ADK: variants seen among roughly 807,000 people sequenced by gnomAD.
ADK encodes the protein adenosine kinase.
A neutral mutation model predicts 44.7 loss-of-function variants in ADK; 24 were observed. The observed-to-expected ratio is 0.54, with a 90% CI of 0.39 to 0.76. The LOEUF is 0.76. Among genes scored for constraint, ADK ranks in the 30% least tolerant of loss-of-function variants. The pLI, the probability that ADK is intolerant of heterozygous loss-of-function variation, is 0.00. For synonymous variants in ADK, 128 were observed against 142.6 expected, an observed-to-expected ratio of 0.90 and a Z score of 0.73; for missense variants, 321 against 425.1, an observed-to-expected ratio of 0.76 and a Z score of 2.15.
At chr10:74,276,115 A>G (rs763564440) in intron 3 of ADK, among the ~76,000 whole-genome samples, 6 of 152,198 alleles carry the variant, frequency 3.9e-5, no homozygotes, top group Non-Finnish European at 8.8e-5. Context: ...GATGTATATT[A>G]CACATATGTT....
intron 3 of ADK, among the ~76,000 whole-genome samples, chr10:74,234,550 G>A (rs571782023): frequency 9.2e-5 from 14 of 152,196 alleles, no homozygotes; most frequent in South Asian, 4.1e-4. Flanking sequence ...ATTTTTCATG[G>A]AAATTATATT....
intron 1 of ADK, among the ~76,000 whole-genome samples, chr10:74,168,857 C>T (rs911932810): frequency 1.3e-5 from 2 of 152,050 alleles, no homozygotes; most frequent in African/African-American, 4.8e-5. Flanking sequence ...GTGATCCTCC[C>T]GCCTTGTCCT....
At chr10:74,350,487 A>G (rs1415224025) in intron 4 of ADK, among the ~76,000 whole-genome samples, 1 of 152,218 alleles carries the variant, frequency 6.6e-6, no homozygotes, top group African/African-American at 2.4e-5. Context: ...CAACACCCCA[A>G]CATCACAATT....
chr10:74,455,600 C>T (rs1239487676), intron 6 of ADK, among the ~76,000 whole-genome samples: 1 of 151,958 alleles, frequency 6.6e-6, no homozygotes, highest in African/African-American at 2.4e-5. Flanking sequence ...ACCTCTGCTT[C>T]CCTGGTTCAA....
chr10:74,542,626 A>T (rs1849678782), intron 7 of ADK, among the ~76,000 whole-genome samples: 1 of 151,990 alleles, frequency 6.6e-6, no homozygotes, highest in Non-Finnish European at 1.5e-5. Flanking sequence ...CTCATTCCCC[A>T]TTCTGTCTCT....
At chr10:74,176,710 G>T (rs1441288312) in intron 1 of ADK, 1 of 1,471,628 alleles carries the variant, frequency 6.8e-7, no homozygotes, top group Admixed American at 2.2e-5. Context: ...TCAGCACGCC[G>T]GGCCGGCTAG....
intron 3 of ADK, among the ~76,000 whole-genome samples, chr10:74,304,270 T>C (rs908152387): frequency 4.6e-5 from 7 of 152,078 alleles, no homozygotes; most frequent in African/African-American, 9.7e-5. Context: ...GGTAGCCCAA[T>C]TGAAAATTTT....
chr10:74,487,130 G>A (rs1847293911), intron 6 of ADK, among the ~76,000 whole-genome samples: 1 of 151,922 alleles, frequency 6.6e-6, no homozygotes, highest in Admixed American at 6.6e-5. Context: ...AAAATTAAAA[G>A]CCTCCAAAAT....
intron 9 of ADK, among the ~76,000 whole-genome samples, chr10:74,669,655 A>C (rs1342961522): frequency 6.6e-6 from 1 of 152,240 alleles, no homozygotes; most frequent in Non-Finnish European, 1.5e-5. Context: ...AATTCTTGAC[A>C]TTGGGAAGAA....
intron 3 of ADK, among the ~76,000 whole-genome samples, chr10:74,284,124 A>T (rs142987728): frequency 3.4e-4 from 51 of 151,444 alleles, no homozygotes; most frequent in South Asian, 8.3e-4. Flanking sequence ...ATGCCCGGCT[A>T]ATTTTTTGTA....
intron 3 of ADK, among the ~76,000 whole-genome samples, chr10:74,239,236 G>A (rs1264154840): frequency 6.6e-6 from 1 of 151,810 alleles, no homozygotes; most frequent in South Asian, 2.1e-4. Flanking sequence ...ATAATCGAAT[G>A]TAACTATCAA....
intron 1 of ADK, chr10:74,177,003 C>T (rs1425655655): frequency 6.3e-6 from 9 of 1,423,606 alleles, no homozygotes; most frequent in African/African-American, 1.4e-5. Flanking sequence ...TCTGGTCCCC[C>T]TCGTGTTGGG....
rs1398608838 is a variant in ADK, at chr10:74,639,833, AGGCGAGC to A, written c.878-30349_878-30343del. 1.2e-3 allele frequency among the ~76,000 whole-genome samples: 185 copies of A among 152,272 alleles called. 3 individuals carry two copies. The East Asian group carries it at 0.025, about 21-fold the overall frequency. ...CCTGGGTGACAGAGCGAGCAAGAGC[AGGCGAGC>A]AAGCGAGACTCCATCTCAAAACAAA... On this transcript the variant is annotated intron_variant, in intron 9 of 10. Coordinates refer to ENST00000539909, the MANE Select transcript of ADK (RefSeq NM_006721.4).
chr10:74,262,074 T>C (rs1233369793), intron 3 of ADK, among the ~76,000 whole-genome samples: 1 of 152,114 alleles, frequency 6.6e-6, no homozygotes, highest in Non-Finnish European at 1.5e-5. Flanking sequence ...ATCCCAGTGC[T>C]TTGGGAGGCC....
chr10:74,436,550 G>A (rs935326839), intron 6 of ADK, among the ~76,000 whole-genome samples: 2 of 151,270 alleles, frequency 1.3e-5, no homozygotes, highest in African/African-American at 4.9e-5. Context: ...TAACCCTTAG[G>A]GCAACTGATG....
At chr10:74,682,576 T>TTTTCTTTTCTTTTCTTTTC (rs199734038) in intron 10 of ADK, among the ~76,000 whole-genome samples, 3 of 83,906 alleles carry the variant, frequency 3.6e-5, no homozygotes, top group Non-Finnish European at 6.1e-5. Flanking sequence ...TTTTCTTTTC[T>TTTTCTTTTCTTTTCTTTTC]TTTTTTTTTT....
intron 3 of ADK, among the ~76,000 whole-genome samples, chr10:74,240,131 CA>C (rs2132297556): frequency 6.6e-6 from 1 of 152,156 alleles, no homozygotes; most frequent in African/African-American, 2.4e-5. Flanking sequence ...TCTTGTCCAT[CA>C]GCCTCCCAAG....
chr10:74,364,587 T>C (rs1842439215), intron 4 of ADK, among the ~76,000 whole-genome samples: 1 of 152,162 alleles, frequency 6.6e-6, no homozygotes, highest in Admixed American at 6.5e-5. Context: ...TTTTCTTCTT[T>C]TCTGGCTCCT....
At chr10:74,682,076 G>A (rs1002393230) in intron 10 of ADK, among the ~76,000 whole-genome samples, 12 of 152,066 alleles carry the variant, frequency 7.9e-5, no homozygotes, top group African/African-American at 2.9e-4. Flanking sequence ...ATCAAATACT[G>A]ACTCAGTGTT....
Sources: allele counts gnomAD v4.1 joint callset (sites outside exome capture counted in the v4.1 genomes callset), GRCh38; gene constraint gnomAD v4.1.1; transcripts MANE v1.5; gene names NCBI Gene and HGNC (gene_info 2026-07-23, HGNC 2026-07-21).